The following KIRREL1 variants were observed in gnomAD, a reference collection of about 807,000 sequenced individuals.
The protein encoded by KIRREL1 is kin of IRRE-like protein 1.
In KIRREL1, 25 loss-of-function variants were observed where a neutral mutation model predicts 83.3. That is an observed-to-expected ratio of 0.30 (90% CI 0.22 to 0.42). The LOEUF is 0.42. Among genes scored for constraint, KIRREL1 ranks in the 10% least tolerant of loss-of-function variants. The probability of loss-of-function intolerance (pLI) is 1.00; values close to 1 mark genes in which losing one functional copy is unlikely to be tolerated. For synonymous variants in KIRREL1, 388 were observed against 410.4 expected, an observed-to-expected ratio of 0.95 and a Z score of 0.66; for missense variants, 812 against 1,032.3, an observed-to-expected ratio of 0.79 and a Z score of 2.92.
intron 1 of KIRREL1, among the ~76,000 whole-genome samples, chr1:158,070,542 A>G (rs1230045968): frequency 6.6e-6 from 1 of 152,212 alleles, no homozygotes; most frequent in African/African-American, 2.4e-5. Flanking sequence ...AGGGGCTCCC[A>G]AGAGTGTGGG....
chr1:158,008,740 G>T (rs886064631), intron 1 of KIRREL1, among the ~76,000 whole-genome samples: 1 of 152,138 alleles, frequency 6.6e-6, no homozygotes, highest in Non-Finnish European at 1.5e-5. Flanking sequence ...GTTTCACAGT[G>T]TGCTCATCAT....
intron 3 of KIRREL1, among the ~76,000 whole-genome samples, chr1:158,079,793 T>A (rs185876959): frequency 6.6e-6 from 1 of 152,350 alleles, no homozygotes; most frequent in East Asian, 1.9e-4. Context: ...AGTTTTCTCA[T>A]CAGTAACATG....
At chr1:158,044,688 G>A (rs137874583) in intron 1 of KIRREL1, among the ~76,000 whole-genome samples, 2,251 of 152,216 alleles carry the variant, frequency 0.015, 34 homozygotes, top group Middle Eastern at 0.041. Context: ...TAGTAGAGAT[G>A]GGGTTTAGCC....
At chr1:158,031,494 A>G (rs1253881507) in intron 1 of KIRREL1, among the ~76,000 whole-genome samples, 1 of 152,204 alleles carries the variant, frequency 6.6e-6, no homozygotes, top group Non-Finnish European at 1.5e-5. Context: ...GGAAGGAGTC[A>G]GAAGAGCCCA....
chr1:158,070,837 A>G (rs570051260), intron 1 of KIRREL1, among the ~76,000 whole-genome samples: 6 of 152,210 alleles, frequency 3.9e-5, no homozygotes, highest in African/African-American at 1.4e-4. Context: ...CTGCCACGCC[A>G]AATTCCCTAT....
At chr1:158,048,156 C>T (rs543256849) in intron 1 of KIRREL1, among the ~76,000 whole-genome samples, 13 of 152,244 alleles carry the variant, frequency 8.5e-5, no homozygotes, top group Admixed American at 1.3e-4. Flanking sequence ...GTTGGTGAGA[C>T]CTATTGCGTC....
At chr1:158,045,604 G>A (rs1377410210) in intron 1 of KIRREL1, among the ~76,000 whole-genome samples, 3 of 152,180 alleles carry the variant, frequency 2.0e-5, no homozygotes, top group Non-Finnish European at 2.9e-5. Flanking sequence ...GAATCAAGAC[G>A]TTTCACCCAC....
intron 1 of KIRREL1, among the ~76,000 whole-genome samples, chr1:158,046,281 G>A (rs1660774717): frequency 6.6e-6 from 1 of 152,146 alleles, no homozygotes; most frequent in South Asian, 2.1e-4. Context: ...AGGGTGAGAG[G>A]GAAAGATCAG....
intron 1 of KIRREL1, among the ~76,000 whole-genome samples, chr1:158,008,150 G>A (rs1217838155): frequency 2.0e-5 from 3 of 151,982 alleles, no homozygotes; most frequent in East Asian, 1.9e-4. Context: ...GCTCCTAGCC[G>A]GCAGCGAGGG....
chr1:158,027,605 C>T (rs1229677576), intron 1 of KIRREL1, among the ~76,000 whole-genome samples: 5 of 152,232 alleles, frequency 3.3e-5, no homozygotes, highest in Non-Finnish European at 7.3e-5. Flanking sequence ...TACAGAAAGA[C>T]ACTTATCGCT....
intron 1 of KIRREL1, among the ~76,000 whole-genome samples, chr1:158,072,662 G>C (rs1271881703): frequency 1.1e-4 from 16 of 152,078 alleles, no homozygotes. Flanking sequence ...CCTCCTCTCA[G>C]TGAGAGGAGG....
chr1:158,072,791 A>AG (rs34557860), intron 1 of KIRREL1, among the ~76,000 whole-genome samples: 6 of 151,964 alleles, frequency 3.9e-5, no homozygotes, highest in African/African-American at 1.5e-4. Flanking sequence ...TGTGGTGGCG[A>AG]GGGGGATGTG....
Position 158,097,024 on chromosome 1 carries a change from G to A in KIRREL1, c.*1904G>A. ...GGACCAGATAATACCCAGGAAGCAAGTAGCTCTAATTTTAACTTCACAGGA... is the reference window on the plus strand; with the variant it reads ...GGACCAGATAATACCCAGGAAGCAAATAGCTCTAATTTTAACTTCACAGGA... On this transcript the variant is annotated 3_prime_UTR_variant, in exon 15 of 15. Transcript: ENST00000359209. 2.2e-6 allele frequency: 1 copy of A among 456,934 alleles called. No homozygotes were observed. The allele number at this position is 456,934 out of a possible 1,614,324, so 28.3% of individuals were successfully genotyped here.
At chr1:158,064,069 C>A (rs1558008037) in intron 1 of KIRREL1, among the ~76,000 whole-genome samples, 1 of 152,168 alleles carries the variant, frequency 6.6e-6, no homozygotes, top group Non-Finnish European at 1.5e-5. Flanking sequence ...ATACATTCAT[C>A]CTTAATTCAG....
At chr1:157,999,228 TTAGATG>T (rs1317114861) in intron 1 of KIRREL1, among the ~76,000 whole-genome samples, 8 of 152,212 alleles carry the variant, frequency 5.3e-5, no homozygotes, top group African/African-American at 1.9e-4. Context: ...GAAGCAAAAC[TTAGATG>T]TCAGGATACA....
intron 1 of KIRREL1, among the ~76,000 whole-genome samples, chr1:158,012,237 T>C (rs918513488): frequency 1.3e-5 from 2 of 152,146 alleles, no homozygotes; most frequent in Non-Finnish European, 2.9e-5. Flanking sequence ...TTTGGGGCCT[T>C]GGTTTATTCA....
At chr1:158,070,269 A>T (rs1661475976) in intron 1 of KIRREL1, among the ~76,000 whole-genome samples, 1 of 152,162 alleles carries the variant, frequency 6.6e-6, no homozygotes, top group Non-Finnish European at 1.5e-5. Flanking sequence ...GACACCCGGG[A>T]TATCCCTGTA....
chr1:158,052,326 G>A (rs11576726), intron 1 of KIRREL1, among the ~76,000 whole-genome samples: 90,615 of 151,852 alleles, frequency 0.6, 29,137 homozygotes, highest in East Asian at 0.84. Flanking sequence ...CCCCTTACCT[G>A]CTTGGTGAAC....
At chr1:158,031,934 T>C (rs2101672239) in intron 1 of KIRREL1, among the ~76,000 whole-genome samples, 1 of 152,000 alleles carries the variant, frequency 6.6e-6, no homozygotes, top group South Asian at 2.1e-4. Context: ...AGAAAAACAA[T>C]TAGCCTGGTG....
Sources: allele counts gnomAD v4.1 joint callset (sites outside exome capture counted in the v4.1 genomes callset), GRCh38; gene constraint gnomAD v4.1.1; transcripts MANE v1.5; gene names NCBI Gene and HGNC (gene_info 2026-07-23, HGNC 2026-07-21).